Variants in SLC9C1 observed in about 807,000 individuals in gnomAD.
SLC9C1 encodes solute carrier family 9 member C1, also known as sodium/hydrogen exchanger 10.
In SLC9C1, 97 loss-of-function variants were observed where a neutral mutation model predicts 140.9. That is an observed-to-expected ratio of 0.69 (90% confidence interval 0.58 to 0.82). The LOEUF is 0.82. Ranked by LOEUF, SLC9C1 falls within the 40% of genes least tolerant of loss-of-function variation. The pLI is 0.00. For synonymous variants in SLC9C1, 440 were observed against 442.6 expected, an observed-to-expected ratio of 0.99 and a Z score of 0.07; for missense variants, 1,340 against 1,389.3, an observed-to-expected ratio of 0.96 and a Z score of 0.56.
At chr3:112,291,823 T>C (rs1195542633) in intron 1 of SLC9C1, among the ~76,000 whole-genome samples, 2 of 152,192 alleles carry the variant, frequency 1.3e-5, no homozygotes, top group East Asian at 3.8e-4. Flanking sequence ...CATGCGTACA[T>C]TCATTGCAGT....
intron 20 of SLC9C1, among the ~76,000 whole-genome samples, chr3:112,195,758 A>G (rs553465922): frequency 6.6e-6 from 1 of 152,142 alleles, no homozygotes; most frequent in South Asian, 2.1e-4. Context: ...TTCCATCCCC[A>G]TCTCCTTCCA....
In SLC9C1 at chr3:112,247,872, AGTGTGTGTGTGT is replaced by A. The variant is rs56782439; in HGVS notation, c.1198-3808_1198-3797del. 4.0e-5 allele frequency among the ~76,000 whole-genome samples: 6 copies of A among 149,938 alleles called. No homozygotes were observed. The East Asian group carries it at 1.2e-3, about 29-fold the overall frequency. On this transcript the variant is annotated intron_variant, in intron 10 of 28. Transcript: ENST00000305815. ...TAAAGTGGTACTCAGTTTACTCTTG[AGTGTGTGTGTGT>A]GTGTGTGTGTGTGTGTATCTCACAC... is the stretch of plus-strand genomic sequence containing the variant.
intron 26 of SLC9C1, among the ~76,000 whole-genome samples, chr3:112,164,233 C>A (rs1490635437): frequency 1.3e-5 from 2 of 151,156 alleles, no homozygotes; most frequent in African/African-American, 4.9e-5. Flanking sequence ...TACAATTTGC[C>A]AGTCTGTGTC....
intron 20 of SLC9C1, among the ~76,000 whole-genome samples, chr3:112,198,692 C>A (rs896175992): frequency 7.9e-5 from 12 of 151,586 alleles, no homozygotes; most frequent in African/African-American, 2.9e-4. Context: ...AGTTACATAG[C>A]TGTTAGGGGA....
intron 13 of SLC9C1, among the ~76,000 whole-genome samples, chr3:112,224,852 C>T (rs116274749): frequency 0.015 from 2,313 of 151,524 alleles, 55 homozygotes; most frequent in African/African-American, 0.049. Context: ...ATAGAAAGAG[C>T]GAGCCAAAGA....
At chr3:112,279,996 A>G (rs2080315722) in intron 3 of SLC9C1, among the ~76,000 whole-genome samples, 1 of 152,194 alleles carries the variant, frequency 6.6e-6, no homozygotes, top group Non-Finnish European at 1.5e-5. Context: ...AAGCTTATAG[A>G]AGTACTTCAA....
chr3:112,167,466 C>G, intron 25 of SLC9C1, 119 bp from the exon 26 acceptor site: 1 of 933,006 alleles, frequency 1.1e-6, no homozygotes, highest in South Asian at 2.0e-5. Context: ...AAAATATTAA[C>G]AAATCAACAC....
At chr3:112,272,426 A>G (rs1262254089) in intron 6 of SLC9C1, among the ~76,000 whole-genome samples, 1 of 152,156 alleles carries the variant, frequency 6.6e-6, no homozygotes, top group South Asian at 2.1e-4. Flanking sequence ...ATTTTTCCCT[A>G]TTATAAAATA....
chr3:112,142,981 C>T (rs2074676389), intron 28 of SLC9C1, among the ~76,000 whole-genome samples: 1 of 152,146 alleles, frequency 6.6e-6, no homozygotes, highest in African/African-American at 2.4e-5. Flanking sequence ...TGAGAACATG[C>T]AATATTTGGT....
intron 7 of SLC9C1, 105 bp from the exon 8 acceptor site, chr3:112,266,445 T>C (rs930272285): frequency 3.7e-6 from 3 of 818,928 alleles, no homozygotes; most frequent in Non-Finnish European, 5.6e-6. Flanking sequence ...ACCATGACTT[T>C]TATAGAGAGG....
chr3:112,154,958 C>G lies in SLC9C1; in HGVS notation c.3417+39G>C, dbSNP rs2075086546. The G allele has an allele frequency of 1.9e-6, 3 of 1,576,514 alleles. No homozygotes were observed. The Admixed American group carries it at 5.3e-5, about 28-fold the overall frequency. Reference sequence around the variant, plus strand: ...TCCATAAATTCTAGACTCTCTTTTACCCAAAATACAACTTTTAGAAAGGCT... The same window carrying G: ...TCCATAAATTCTAGACTCTCTTTTAGCCAAAATACAACTTTTAGAAAGGCT... On this transcript the variant is annotated intron_variant, in intron 27 of 28. Transcript: ENST00000305815.
At chr3:112,174,273 G>A (rs913824317) in intron 23 of SLC9C1, among the ~76,000 whole-genome samples, 30 of 152,204 alleles carry the variant, frequency 2.0e-4, no homozygotes, top group African/African-American at 6.8e-4. Flanking sequence ...GAAATGTGGA[G>A]CTGCTGTTAC....
At chr3:112,146,932 G>C (rs1360795542) in intron 28 of SLC9C1, among the ~76,000 whole-genome samples, 2 of 152,150 alleles carry the variant, frequency 1.3e-5, no homozygotes, top group Non-Finnish European at 2.9e-5. Context: ...GACTATCTAA[G>C]CCTTTTCATA....
intron 20 of SLC9C1, among the ~76,000 whole-genome samples, chr3:112,193,623 G>A (rs912545287): frequency 1.3e-5 from 2 of 152,140 alleles, no homozygotes; most frequent in African/African-American, 4.8e-5. Context: ...GGGATGGCAT[G>A]GGGTCATTGG....
At chr3:112,173,898 A>G (rs974167150) in intron 23 of SLC9C1, among the ~76,000 whole-genome samples, 5 of 152,250 alleles carry the variant, frequency 3.3e-5, no homozygotes, top group Admixed American at 1.3e-4. Flanking sequence ...CATTCCCATC[A>G]GTAGGATATA....
At chr3:112,231,983 G>A (rs1284479957) in intron 12 of SLC9C1, among the ~76,000 whole-genome samples, 1 of 152,130 alleles carries the variant, frequency 6.6e-6, no homozygotes, top group African/African-American at 2.4e-5. Context: ...ATGTAAAATA[G>A]AAAGTGAACA....
chr3:112,208,352 G>A lies in SLC9C1; in HGVS notation c.1812C>T (p.Cys604=). The A allele has an allele frequency of 6.4e-7, 1 of 1,555,898 alleles. No homozygotes were observed. Among genetic ancestry groups the A allele is most frequent in the Non-Finnish European group, 8.7e-7 (1 of 1,152,982 alleles). Reference sequence around the variant, plus strand: ...ATTCCTCAGTAAATACTATTGTATGGCATATACGAAAAAAGAAGTATCTGT... The same window carrying A: ...ATTCCTCAGTAAATACTATTGTATGACATATACGAAAAAAGAAGTATCTGT... ...GPSKYFFFRI[C]HTIVFTEEFE... Residue 604 remains cysteine, a synonymous_variant, in exon 16 of 29, where the codon TGC becomes TGT. Transcript: ENST00000305815.
At chr3:112,174,267 T>C (rs988500758) in intron 23 of SLC9C1, among the ~76,000 whole-genome samples, 1 of 152,130 alleles carries the variant, frequency 6.6e-6, no homozygotes, top group Admixed American at 6.5e-5. Flanking sequence ...CTCCATGAAA[T>C]GTGGAGCTGC....
At chr3:112,199,511 G>T in intron 19 of SLC9C1, 42 bp from the exon 20 acceptor site, 1 of 1,426,920 alleles carries the variant, frequency 7.0e-7, no homozygotes, top group East Asian at 2.5e-5. Flanking sequence ...TAAGAACATT[G>T]TTTTAAATGT....
Sources: allele counts gnomAD v4.1 joint callset (sites outside exome capture counted in the v4.1 genomes callset), GRCh38; gene constraint gnomAD v4.1.1; transcripts MANE v1.5; gene names NCBI Gene and HGNC (gene_info 2026-07-23, HGNC 2026-07-21).